NR5A2: variants seen among roughly 807,000 people sequenced by gnomAD.
The protein encoded by NR5A2 is nuclear receptor subfamily 5 group A member 2.
A neutral mutation model predicts 62.7 loss-of-function variants in NR5A2; 26 were observed. That is an observed-to-expected ratio of 0.41 (90% CI 0.30 to 0.58). The LOEUF (loss-of-function observed/expected upper bound fraction) is 0.58, where lower values mean the gene tolerates loss of function less well. Ranked by LOEUF, NR5A2 falls within the 20% of genes least tolerant of loss-of-function variation. The probability of loss-of-function intolerance (pLI) is 0.22; values close to 1 mark genes in which losing one functional copy is unlikely to be tolerated. For missense variants in NR5A2, 541 were observed against 669.1 expected (o/e 0.81, Z 2.11); for synonymous variants, 246 against 241.7 (o/e 1.02, Z -0.16).
chr1:200,145,577 T>C (rs1293973442), intron 7 of NR5A2, among the ~76,000 whole-genome samples: 3 of 152,092 alleles, frequency 2.0e-5, no homozygotes, highest in Non-Finnish European at 4.4e-5. Flanking sequence ...TTCCAGTTTC[T>C]TTCTAAAAAA....
intron 5 of NR5A2, among the ~76,000 whole-genome samples, chr1:200,080,337 A>T (rs1041673446): frequency 2.0e-5 from 3 of 152,168 alleles, no homozygotes; most frequent in African/African-American, 7.2e-5. Context: ...TCAGCCTCTT[A>T]ATGTTCATAG....
chr1:200,122,159 C>T (rs1270544853), intron 7 of NR5A2, among the ~76,000 whole-genome samples: 1 of 152,248 alleles, frequency 6.6e-6, no homozygotes, highest in Middle Eastern at 3.4e-3. Flanking sequence ...AGACTGGATC[C>T]TGTGTGGTTT....
chr1:200,142,560 A>C (rs937139151), intron 7 of NR5A2, among the ~76,000 whole-genome samples: 1 of 151,894 alleles, frequency 6.6e-6, no homozygotes, highest in Non-Finnish European at 1.5e-5. Context: ...ACAGGGTCTC[A>C]CTCTGTCACC....
chr1:200,124,469 T>C (rs902413343), intron 7 of NR5A2, among the ~76,000 whole-genome samples: 15 of 152,166 alleles, frequency 9.9e-5, no homozygotes. Context: ...ATCAGTTGGG[T>C]AAGCTGGTCA....
chr1:200,064,187 CAAGTT>C (rs1172704738), intron 5 of NR5A2, among the ~76,000 whole-genome samples: 1 of 150,758 alleles, frequency 6.6e-6, no homozygotes, highest in Admixed American at 6.6e-5. Context: ...CTTCACTTTA[CAAGTT>C]AAGTCTTCAT....
At position 200,147,765 on chromosome 1, in the gene NR5A2, AATGCCGGCACGG is replaced by A. The variant is rs67734225; in HGVS notation, c.1379-26185_1379-26174del. ...CGGTGAAGACGCGGATGCCGGCGCG[AATGCCGGCACGG>A]ATGCCGGCACGGTGGGCAGCCGCCG... On this transcript the variant is annotated intron_variant, in intron 7 of 7. Coordinates refer to ENST00000367362, the MANE Select transcript of NR5A2 (RefSeq NM_205860.3). This position sits in a 1 kb window ranked among gnomAD's most constrained non-coding sequence, Gnocchi z 4.9. 0.89 allele frequency: 423,754 copies of A among 478,774 alleles called. 188,834 individuals carry two copies. The highest frequency in any genetic ancestry group is 0.98 in the East Asian group (20,905 of 21,260). The allele number at this position is 478,774 out of a possible 1,614,324, so 29.7% of individuals were successfully genotyped here.
intron 7 of NR5A2, among the ~76,000 whole-genome samples, chr1:200,150,161 A>G (rs1653001364): frequency 1.3e-5 from 2 of 152,208 alleles, no homozygotes. Flanking sequence ...TGTTATGTCA[A>G]TTCATGAAAT....
intron 5 of NR5A2, among the ~76,000 whole-genome samples, chr1:200,102,822 T>G (rs1302026639): frequency 2.0e-5 from 3 of 152,178 alleles, no homozygotes; most frequent in South Asian, 4.1e-4. Context: ...AAAGGTTACA[T>G]GAATATAGGA....
rs530939271 is a variant in NR5A2 at position 200,154,823 on chromosome 1, C to T, written c.1379-19140C>T. 1.7e-4 allele frequency among the ~76,000 whole-genome samples: 26 copies of T among 152,334 alleles called. 1 individual carries two copies. In the South Asian group the frequency reaches 2.9e-3, roughly 17 times the overall value. ...CTTGTTCACACACTAATGTCCAGTT[C>T]ATGTTGACTGCTATCTACCCACGTC... On this transcript the variant is annotated intron_variant, in intron 7 of 7. Coordinates refer to ENST00000367362, the MANE Select transcript of NR5A2 (RefSeq NM_205860.3).
intron 2 of NR5A2, among the ~76,000 whole-genome samples, chr1:200,042,406 A>G (rs948018473): frequency 6.6e-6 from 1 of 152,252 alleles, no homozygotes; most frequent in Non-Finnish European, 1.5e-5. Context: ...TTTATTTTCA[A>G]AAGAACAAGT....
intron 5 of NR5A2, among the ~76,000 whole-genome samples, chr1:200,084,743 T>G (rs952076934): frequency 3.3e-5 from 5 of 152,240 alleles, no homozygotes; most frequent in Non-Finnish European, 5.9e-5. Flanking sequence ...CTCTCCCTAA[T>G]TCATTGATTC....
At chr1:200,149,099 G>C (rs1386958571) in intron 7 of NR5A2, among the ~76,000 whole-genome samples, 1 of 152,082 alleles carries the variant, frequency 6.6e-6, no homozygotes, top group Non-Finnish European at 1.5e-5. Context: ...TTTTAGTAGA[G>C]ACAGGGTTTC....
At chr1:200,157,782 T>G (rs2102374525) in intron 7 of NR5A2, among the ~76,000 whole-genome samples, 1 of 152,342 alleles carries the variant, frequency 6.6e-6, no homozygotes, top group East Asian at 1.9e-4. Flanking sequence ...ACCCTCTCTT[T>G]TCATTTTTCA....
intron 7 of NR5A2, among the ~76,000 whole-genome samples, chr1:200,167,721 C>G (rs1327837769): frequency 6.6e-6 from 1 of 152,202 alleles, no homozygotes; most frequent in Non-Finnish European, 1.5e-5. Context: ...CCACCTATTC[C>G]TTCTCCACAA....
At chr1:200,070,628 T>C (rs2821305) in intron 5 of NR5A2, among the ~76,000 whole-genome samples, 93,207 of 150,108 alleles carry the variant, frequency 0.62, 29,365 homozygotes, top group African/African-American at 0.74. Flanking sequence ...TACGGTAAGC[T>C]GAGATTGCAC....
At chr1:200,056,794 A>G (rs1474663816) in intron 5 of NR5A2, among the ~76,000 whole-genome samples, 1 of 152,158 alleles carries the variant, frequency 6.6e-6, no homozygotes, top group Non-Finnish European at 1.5e-5. Flanking sequence ...CCTGTATGTT[A>G]TCTACTGGAA....
intron 7 of NR5A2, among the ~76,000 whole-genome samples, chr1:200,153,350 T>C (rs976341173): frequency 6.6e-6 from 1 of 152,262 alleles, no homozygotes; most frequent in Non-Finnish European, 1.5e-5. Flanking sequence ...CATGACATAC[T>C]GAACCCTAAT....
At chr1:200,122,322 G>C (rs1199822526) in intron 7 of NR5A2, among the ~76,000 whole-genome samples, 2 of 152,172 alleles carry the variant, frequency 1.3e-5, no homozygotes, top group African/African-American at 2.4e-5. Flanking sequence ...TAAGATCTTA[G>C]TCTTTTAAAC....
At chr1:200,143,638 ATTTTTTTT>A (rs11285826) in intron 7 of NR5A2, among the ~76,000 whole-genome samples, 1 of 103,298 alleles carries the variant, frequency 9.7e-6, no homozygotes, top group Non-Finnish European at 1.9e-5. Context: ...ATTGTTCATA[ATTTTTTTT>A]TTTTTTTTTT....
Sources: gnomAD v4.1 joint callset for allele counts (sites outside exome capture counted in the v4.1 genomes callset) on GRCh38, gnomAD v4.1.1 for gene constraint, Gnocchi (gnomAD v3.1) non-coding constraint, MANE v1.5 for transcripts, NCBI Gene and HGNC (gene_info 2026-07-23, HGNC 2026-07-21) for gene names.